Variants in ALMS1 observed in about 807,000 individuals in gnomAD.
The protein encoded by ALMS1 is centrosome-associated protein ALMS1.
Under a neutral mutation model 352.2 loss-of-function variants are expected in ALMS1, and 271 were observed. That is an observed-to-expected ratio of 0.77 (90% CI 0.70 to 0.85). The LOEUF is 0.85. Ranked by LOEUF, ALMS1 falls within the 40% of genes least tolerant of loss-of-function variation. The pLI is 0.00. For synonymous variants in ALMS1, 1,865 were observed against 1,761.2 expected (o/e 1.06, Z -1.48); for missense variants, 5,445 against 4,870.7 (o/e 1.12, Z -3.51).
rs775391361 is a variant in ALMS1, at chr2:73,557,228, G to A, written c.10087G>A (p.Val3363Ile). ...PLQNENADAS[V>I]QVLITGDENL... ...TGATGTCGTTATTCCAGATGCCTCAGTTCAAGTGCTAATCACTGGGGATGA... is the reference window on the plus strand; with the variant it reads ...TGATGTCGTTATTCCAGATGCCTCAATTCAAGTGCTAATCACTGGGGATGA... Residue 3363 changes from valine to isoleucine, a missense_variant, in exon 14 of 23, where the codon GTT becomes ATT. Transcript: ENST00000613296. 2 of 1,613,970 alleles carry A rather than the reference G, an allele frequency of 1.2e-6. No homozygotes were observed. Among genetic ancestry groups the A allele is most frequent in the South Asian group, 1.1e-5 (1 of 91,090 alleles).
chr2:73,584,578 C>T (rs1402893732), intron 16 of ALMS1, among the ~76,000 whole-genome samples: 1 of 152,078 alleles, frequency 6.6e-6, no homozygotes, highest in African/African-American at 2.4e-5. Context: ...TAATTTTGCT[C>T]CTCTTTTCTG....
rs1671910092 is a variant in ALMS1, at chr2:73,450,498, CTG to C, written c.3974_3975del (p.Val1325AspfsTer26). 6.2e-7 allele frequency: 1 copy of C among 1,613,112 alleles called. No homozygotes were observed. Among genetic ancestry groups the C allele is most frequent in the Non-Finnish European group, 8.5e-7 (1 of 1,179,842 alleles). The stretch of plus-strand genomic sequence containing the variant: ...GTTCCTGGACCAGCTGACCAGAAGA[CTG>C]TGATACCAATTTTACCCTCTACTTT... On this transcript the variant is annotated frameshift_variant, in exon 8 of 23. Coordinates refer to ENST00000613296, the MANE Select transcript of ALMS1 (RefSeq NM_001378454.1). LOFTEE classifies it high-confidence loss of function.
intron 9 of ALMS1, among the ~76,000 whole-genome samples, chr2:73,462,631 TA>T (rs1190553569): frequency 6.6e-6 from 1 of 152,204 alleles, no homozygotes; most frequent in Non-Finnish European, 1.5e-5. Context: ...GTAAATGGAC[TA>T]AATGCTCCAA....
intron 9 of ALMS1, among the ~76,000 whole-genome samples, chr2:73,471,204 T>C (rs1343730536): frequency 6.6e-6 from 1 of 151,344 alleles, no homozygotes; most frequent in Non-Finnish European, 1.5e-5. Flanking sequence ...TGTGATTTGT[T>C]GATTTTGCTT....
chr2:73,607,222 A>G (rs748901763), intron 21 of ALMS1, among the ~76,000 whole-genome samples: 51 of 152,214 alleles, frequency 3.4e-4, no homozygotes, highest in Non-Finnish European at 5.4e-4. Flanking sequence ...ATTTTATTCA[A>G]CATTATGTTG....
intron 1 of ALMS1, among the ~76,000 whole-genome samples, chr2:73,395,078 ATTTTTTTT>A (rs1163258474): frequency 2.0e-5 from 2 of 101,352 alleles, no homozygotes; most frequent in Admixed American, 1.2e-4. Flanking sequence ...ATATATATAT[ATTTTTTTT>A]TTTTTTTTTT....
chr2:73,584,219 A>G (rs190998096), intron 16 of ALMS1, among the ~76,000 whole-genome samples: 73 of 152,262 alleles, frequency 4.8e-4, no homozygotes, highest in African/African-American at 1.6e-3. Flanking sequence ...CAACTAACCA[A>G]TAGTGGTTAT....
intron 15 of ALMS1, 27 bp downstream of exon 15, chr2:73,559,169 G>T: frequency 1.2e-6 from 2 of 1,606,764 alleles, no homozygotes; most frequent in Non-Finnish European, 1.7e-6. Context: ...GTGTATGAGT[G>T]TGTGTGTCTT....
Position 73,608,594 on chromosome 2 carries a change from A to C in ALMS1, c.12462+20A>C. ...AAAAAGGTCAGTGGGTCCTCTGTCT[A>C]GAGTGGGATGGATCAGGTTTATTGG... On this transcript the variant is annotated intron_variant, in intron 22 of 22. Coordinates refer to ENST00000613296, the MANE Select transcript of ALMS1 (RefSeq NM_001378454.1). 6.4e-7 allele frequency: 1 copy of C among 1,574,262 alleles called. No homozygotes were observed. Among genetic ancestry groups the C allele is most frequent in the Non-Finnish European group, 8.7e-7 (1 of 1,143,894 alleles).
At chr2:73,488,640 C>T (rs892007530) in intron 9 of ALMS1, among the ~76,000 whole-genome samples, 3 of 152,208 alleles carry the variant, frequency 2.0e-5, no homozygotes, top group African/African-American at 4.8e-5. Context: ...TTCCCCACTG[C>T]AGCTGGCATC....
Position 73,572,627 on chromosome 2 carries a change from CAGA to C in ALMS1, c.10753_10755del (p.Lys3585del). 3.1e-6 allele frequency: 5 copies of C among 1,613,992 alleles called. No homozygotes were observed. Among genetic ancestry groups the C allele is most frequent in the Non-Finnish European group, 4.2e-6 (5 of 1,179,990 alleles). On this transcript the variant is annotated inframe_deletion, in exon 16 of 23. Transcript: ENST00000613296. ...ACAAATTAGTGATCCACAAAGGGAT[CAGA>C]AGGTCACCCCAGAGCAAACAACTCA...
intron 16 of ALMS1, among the ~76,000 whole-genome samples, chr2:73,576,644 G>T: frequency 6.7e-6 from 1 of 148,400 alleles, no homozygotes; most frequent in African/African-American, 2.5e-5. Flanking sequence ...TTTTGAGACA[G>T]AGTTTCACTC....
chr2:73,524,575 C>T (rs771621447), intron 11 of ALMS1, among the ~76,000 whole-genome samples: 56 of 152,134 alleles, frequency 3.7e-4, no homozygotes, highest in Non-Finnish European at 7.5e-4. Flanking sequence ...GCCTCAGCCT[C>T]CTGAGTAGCT....
At chr2:73,601,056 C>G in intron 18 of ALMS1, 139 bp from the exon 19 acceptor site, 4 of 1,464,750 alleles carry the variant, frequency 2.7e-6, no homozygotes, top group South Asian at 1.3e-5. Context: ...TGCAGCAAAA[C>G]CAGACTCAAG....
intron 15 of ALMS1, among the ~76,000 whole-genome samples, chr2:73,563,925 T>C (rs1316941336): frequency 1.3e-5 from 2 of 151,858 alleles, no homozygotes; most frequent in Non-Finnish European, 2.9e-5. Context: ...ACTGGGGAGC[T>C]TGAACACACA....
At chr2:73,445,011 G>A (rs2103764631) in intron 7 of ALMS1, among the ~76,000 whole-genome samples, 1 of 140,666 alleles carries the variant, frequency 7.1e-6, no homozygotes, top group Non-Finnish European at 1.6e-5. Flanking sequence ...AAATATCACT[G>A]GTGTCTTTTT....
chr2:73,540,670 T>C (rs979316880), intron 12 of ALMS1, among the ~76,000 whole-genome samples: 2 of 151,974 alleles, frequency 1.3e-5, no homozygotes, highest in African/African-American at 4.8e-5. Flanking sequence ...AATAAAGGGA[T>C]AGAGGAAGAT....
intron 1 of ALMS1, among the ~76,000 whole-genome samples, chr2:73,405,618 G>A (rs1670957617): frequency 1.3e-5 from 2 of 150,408 alleles, no homozygotes; most frequent in Admixed American, 6.6e-5. Flanking sequence ...TGATCACTTT[G>A]GGTTTAGTTT....
At chr2:73,423,959 G>A (rs1003056142) in intron 4 of ALMS1, among the ~76,000 whole-genome samples, 1 of 151,970 alleles carries the variant, frequency 6.6e-6, no homozygotes, top group Non-Finnish European at 1.5e-5. Context: ...TAATTTTTCT[G>A]TAGAGATAGG....
Sources: allele counts gnomAD v4.1 joint callset (sites outside exome capture counted in the v4.1 genomes callset), GRCh38; gene constraint gnomAD v4.1.1; transcripts MANE v1.5; gene names NCBI Gene and HGNC (gene_info 2026-07-23, HGNC 2026-07-21).